CCDC187: variants seen among roughly 807,000 people sequenced by gnomAD.
The protein encoded by CCDC187 is coiled-coil domain-containing protein 187.
In CCDC187, 32 loss-of-function variants were observed where a neutral mutation model predicts 38.0. That is an observed-to-expected ratio of 0.84 (90% CI 0.64 to 1.13). The LOEUF is 1.13. Among genes scored for constraint, CCDC187 ranks in the 50% most tolerant of loss-of-function variants. CCDC187 has a pLI of 0.00. For synonymous variants in CCDC187, 333 were observed against 347.9 expected, an observed-to-expected ratio of 0.96 and a Z score of 0.48; for missense variants, 707 against 786.8, an observed-to-expected ratio of 0.90 and a Z score of 1.21.
upstream of CCDC187, among the ~76,000 whole-genome samples, chr9:136,305,767 C>T (rs1001226934): frequency 4.6e-5 from 7 of 152,220 alleles, no homozygotes; most frequent in African/African-American, 7.2e-5. Context: ...TGCCTGGGAA[C>T]GGAAAAGCAA....
intron 14 of CCDC187, among the ~76,000 whole-genome samples, chr9:136,268,774 GT>G (rs1554761999): frequency 6.6e-6 from 1 of 152,134 alleles, no homozygotes; most frequent in East Asian, 1.9e-4. Context: ...TGAAATAACA[GT>G]TTTCCAGGCA....
intron 14 of CCDC187, among the ~76,000 whole-genome samples, chr9:136,273,624 A>C (rs1554762716): frequency 6.6e-6 from 1 of 152,200 alleles, no homozygotes; most frequent in Non-Finnish European, 1.5e-5. Flanking sequence ...AAAATCCAAG[A>C]TGCAGTAGAT....
intron 12 of CCDC187, 27 bp downstream of exon 12, chr9:136,276,161 ACAGGGG>A (rs1343503254): frequency 1.3e-5 from 2 of 152,270 alleles, no homozygotes; most frequent in East Asian, 3.9e-4. Flanking sequence ...TCCTGCAGAG[ACAGGGG>A]CTCCCCCTGT....
chr9:136,286,720 A>G (rs1293571896), intron 7 of CCDC187, 25 bp from the exon 8 acceptor site: 3 of 398,640 alleles, frequency 7.5e-6, no homozygotes, highest in African/African-American at 6.2e-5. Flanking sequence ...ACGTGGACAG[A>G]TCAGCTCAGG....
At chr9:136,287,414 C>A (rs1435666012) in intron 7 of CCDC187, among the ~76,000 whole-genome samples, 1 of 152,182 alleles carries the variant, frequency 6.6e-6, no homozygotes, top group Non-Finnish European at 1.5e-5. Flanking sequence ...AATCAAGGAG[C>A]TGAAACGCAC....
At position 136,257,659 on chromosome 9, in the gene CCDC187, G is replaced by C. The variant is rs1554760477; in HGVS notation, c.4367-818C>G. On this transcript the variant is annotated intron_variant, in intron 22 of 25. Transcript: ENST00000638797. The surrounding 1 kb of genome is among the most constrained non-coding windows in gnomAD (Gnocchi z 4.5). Reference sequence around the variant, plus strand: ...CCAGCATTGCACCTCCATCTCCCTAGACTTTCGTTCTGTGGGGTCAGGGGA... The same window carrying C: ...CCAGCATTGCACCTCCATCTCCCTACACTTTCGTTCTGTGGGGTCAGGGGA... Among the ~76,000 whole-genome samples the C allele has an allele frequency of 6.6e-6, 1 of 152,162 alleles. No homozygotes were observed. Among genetic ancestry groups the C allele is most frequent in the Non-Finnish European group, 1.5e-5 (1 of 68,024 alleles).
At chr9:136,300,099 G>A (rs1314918894) in intron 3 of CCDC187, 121 bp downstream of exon 3, 3 of 396,246 alleles carry the variant, frequency 7.6e-6, no homozygotes, top group Admixed American at 4.4e-5. Flanking sequence ...CCTCTTTCCA[G>A]TTGGGGTCCT....
intron 16 of CCDC187, chr9:136,266,443 G>A (rs1554761632): frequency 6.6e-6 from 1 of 152,264 alleles, no homozygotes; most frequent in South Asian, 2.1e-4. Context: ...GGGTGAGGAT[G>A]TTAACTGGAA....
chr9:136,265,444 T>G (rs1041967981), intron 17 of CCDC187: 11 of 152,264 alleles, frequency 7.2e-5, no homozygotes, highest in Admixed American at 2.6e-4. Context: ...CACATCAGGC[T>G]TCTCCCCATT....
At position 136,291,157 on chromosome 9, in the gene CCDC187, A is replaced by G. The variant is rs1831318699; in HGVS notation, c.1456T>C (p.Phe486Leu). ...PESPHERLGH[F>L]SQRPWSALAG... Reference sequence around the variant, plus strand: ...AGTGCACTCCAGGGCCTCTGGGAGAAGTGGCCCAACCTCTCATGGGGACTC... The same window carrying G: ...AGTGCACTCCAGGGCCTCTGGGAGAGGTGGCCCAACCTCTCATGGGGACTC... Residue 486 changes from phenylalanine (F) to leucine (L), a missense_variant, in exon 6 of 26, where the codon TTC becomes CTC. By Grantham distance (22) the Phe-to-Leu change is conservative. Coordinates refer to ENST00000638797, the MANE Select transcript of CCDC187 (RefSeq NM_001378188.1). The G allele has an allele frequency of 2.0e-5, 8 of 398,376 alleles. No individual in the cohort carries two copies. 24.7% of individuals were successfully genotyped at this position (398,376 alleles called of 1,614,324 possible). A position where few individuals can be genotyped will look rare whatever the true frequency, so the allele number is the denominator to read the frequency against.
rs1214484082 is a variant in CCDC187, at chr9:136,291,791, A to G, written c.968-146T>C. 31 of 397,562 alleles carry G rather than the reference A, an allele frequency of 7.8e-5. No individual in the cohort carries two copies. The East Asian group carries it at 1.0e-3, about 13-fold the overall frequency. 24.6% of individuals were successfully genotyped at this position (397,562 alleles called of 1,614,324 possible). On this transcript the variant is annotated intron_variant, in intron 5 of 25. Transcript: ENST00000638797. ...GGGCAGAAGCCCTCTGAGGGTGGGCACCACGCCTGTGTGATGAGCCACCGC... is the reference window on the plus strand; with the variant it reads ...GGGCAGAAGCCCTCTGAGGGTGGGCGCCACGCCTGTGTGATGAGCCACCGC...
intron 7 of CCDC187, among the ~76,000 whole-genome samples, chr9:136,289,234 C>T (rs895576347): frequency 5.9e-5 from 9 of 152,104 alleles, no homozygotes; most frequent in South Asian, 4.1e-4. Context: ...TAGGCAAATC[C>T]GGGCGGGGCG....
intron 18 of CCDC187, among the ~76,000 whole-genome samples, chr9:136,263,235 CTTTTT>C (rs35662036): frequency 1.1e-5 from 1 of 94,082 alleles, no homozygotes; most frequent in African/African-American, 3.6e-5. Context: ...GGGCCACAGG[CTTTTT>C]TTTTTTTTTT....
chr9:136,255,901 C>T (rs1319323117), intron 24 of CCDC187, among the ~76,000 whole-genome samples, 168 bp from the exon 25 acceptor site: 2 of 152,140 alleles, frequency 1.3e-5, no homozygotes, highest in Non-Finnish European at 2.9e-5. Context: ...AAGGGCTCCC[C>T]GAGGGCTTGT....
chr9:136,250,895 C>T lies in CCDC187; in HGVS notation c.*2699G>A, dbSNP rs782640803. 27 of 451,666 alleles carry T rather than the reference C, an allele frequency of 6.0e-5. No individual in the cohort carries two copies. The highest frequency in any genetic ancestry group is 5.0e-4 in the Admixed American group (21 of 42,414). 28.0% of individuals were successfully genotyped at this position (451,666 alleles called of 1,614,324 possible). A position where few individuals can be genotyped will look rare whatever the true frequency, so the allele number is the denominator to read the frequency against. On this transcript the variant is annotated 3_prime_UTR_variant, in exon 26 of 26. Coordinates refer to ENST00000638797, the MANE Select transcript of CCDC187 (RefSeq NM_001378188.1). ...TGTCTGGAGAGGGGCTCTTGCCTCA[C>T]GGCAGGGGGCCCAAAGAGGTTCTAA...
rs1175027638 is a variant in CCDC187 at position 136,281,798 on chromosome 9, A to C, written c.2928-135T>G. ...CTGGAGCAGCTCTCAGACCCCCAAC[A>C]GTGTGCCCAGGGTGGGACCCAAGGG... On this transcript the variant is annotated intron_variant, in intron 9 of 25. Transcript: ENST00000638797. 3.0e-5 allele frequency: 12 copies of C among 396,906 alleles called. No individual in the cohort carries two copies. The East Asian group carries it at 3.9e-4, about 13-fold the overall frequency. 24.6% of individuals were successfully genotyped at this position (396,906 alleles called of 1,614,324 possible).
intron 14 of CCDC187, among the ~76,000 whole-genome samples, chr9:136,271,465 G>A (rs781899739): frequency 7.2e-5 from 11 of 152,056 alleles, no homozygotes; most frequent in Admixed American, 5.9e-4. Flanking sequence ...AGGTTGCAGT[G>A]AGCCGAGATT....
Position 136,260,176 on chromosome 9 carries a change from C to T in CCDC187, c.4153G>A (p.Glu1385Lys), listed in dbSNP as rs561150230. 10 of 985,470 alleles carry T rather than the reference C, an allele frequency of 1.0e-5. No homozygotes were observed. The African/African-American group carries it at 1.4e-4, about 14-fold the overall frequency. The allele number at this position is 985,470 out of a possible 1,614,324, so 61.0% of individuals were successfully genotyped here. A position where few individuals can be genotyped will look rare whatever the true frequency, so the allele number is the denominator to read the frequency against. ...GGGCCCTGGGGGTCGTGTGTGTCCT[C>T]GCCCCATGCTGGCCTCGGAGGCTGC... ...HQQPPRPAWG[E>K]DTHDPQGPLV... The change falls in exon 20 of 26, where the codon GAG becomes AAG. Residue 1385 changes from glutamate to lysine, a missense_variant. By Grantham distance (56) the Glu-to-Lys change is moderately conservative. Coordinates refer to ENST00000638797, the MANE Select transcript of CCDC187 (RefSeq NM_001378188.1).
intron 25 of CCDC187, among the ~76,000 whole-genome samples, chr9:136,255,369 C>T (rs1347487571): frequency 6.6e-6 from 1 of 152,190 alleles, no homozygotes; most frequent in African/African-American, 2.4e-5. Flanking sequence ...CTCGGGCACC[C>T]GGCCTCATAG....
Sources: allele counts gnomAD v4.1 joint callset (sites outside exome capture counted in the v4.1 genomes callset), GRCh38; gene constraint gnomAD v4.1.1; non-coding constraint Gnocchi (gnomAD v3.1); transcripts MANE v1.5; gene names NCBI Gene and HGNC (gene_info 2026-07-23, HGNC 2026-07-21).